Variants in CFTR observed in about 807,000 individuals in gnomAD.
The protein encoded by CFTR is cystic fibrosis transmembrane conductance regulator.
CFTR carries 181 observed loss-of-function variants against 171.6 expected under a neutral mutation model. The observed-to-expected ratio is 1.05, with a 90% confidence interval of 0.93 to 1.19. The LOEUF is 1.19. Among genes scored for constraint, CFTR ranks in the 50% most tolerant of loss-of-function variants. CFTR has a pLI of 0.00. For missense variants in CFTR, 1,968 were observed against 1,734.7 expected, an observed-to-expected ratio of 1.13 and a Z score of -2.39; for synonymous variants, 583 against 608.0, an observed-to-expected ratio of 0.96 and a Z score of 0.60.
intron 11 of CFTR, among the ~76,000 whole-genome samples, chr7:117,560,039 A>G (rs1799435493): frequency 6.6e-6 from 1 of 152,066 alleles, no homozygotes; most frequent in Admixed American, 6.6e-5. Context: ...ATATACTCCA[A>G]AAATTATTAA....
intron 3 of CFTR, among the ~76,000 whole-genome samples, chr7:117,519,793 T>A (rs778627319): frequency 2.5e-4 from 38 of 152,020 alleles, no homozygotes; most frequent in Admixed American, 3.9e-4. Context: ...GTACCATGAT[T>A]TATTTAATCA....
At chr7:117,512,120 T>C (rs1259944908) in intron 3 of CFTR, among the ~76,000 whole-genome samples, 1 of 152,178 alleles carries the variant, frequency 6.6e-6, no homozygotes, top group Non-Finnish European at 1.5e-5. Flanking sequence ...ATTTGCTTGG[T>C]TTCAGGACTG....
At chr7:117,507,895 G>T (rs117492186) in intron 2 of CFTR, among the ~76,000 whole-genome samples, 1 of 152,130 alleles carries the variant, frequency 6.6e-6, no homozygotes, top group African/African-American at 2.4e-5. Flanking sequence ...GGGTTCAAGC[G>T]AATCTCAGTC....
chr7:117,618,637 T>C lies in CFTR; in HGVS notation c.3468+3924T>C, dbSNP rs75700249. On this transcript the variant is annotated intron_variant, in intron 21 of 26. Transcript: ENST00000003084. ...ATGTTCATAAAACATAATTATAGAA[T>C]ATCTTTCAGTAGGCTTGACATTTTA... is the stretch of plus-strand genomic sequence containing the variant. Among the ~76,000 whole-genome samples the C allele has an allele frequency of 8.0e-3, 1,219 of 152,320 alleles. 14 individuals carry two copies. The highest frequency in any genetic ancestry group is 0.012 in the Non-Finnish European group (820 of 68,020).
intron 1 of CFTR, among the ~76,000 whole-genome samples, chr7:117,492,829 G>A (rs1207132838): frequency 2.0e-5 from 3 of 151,884 alleles, no homozygotes; most frequent in African/African-American, 4.8e-5. Context: ...ACTTCAGAGA[G>A]GCTCACACAT....
chr7:117,615,858 T>C (rs140443799), intron 21 of CFTR, among the ~76,000 whole-genome samples: 5 of 152,184 alleles, frequency 3.3e-5, no homozygotes, highest in African/African-American at 1.2e-4. Flanking sequence ...AAAGTATTTT[T>C]GTACTACTGT....
In CFTR at chr7:117,502,127, C is replaced by T. The variant is rs147159909; in HGVS notation, c.54-2126C>T. 5.7e-3 allele frequency among the ~76,000 whole-genome samples: 868 copies of T among 152,342 alleles called. 9 individuals are homozygous for T. Among genetic ancestry groups the T allele is most frequent in the African/African-American group, 0.019 (802 of 41,578 alleles). ...TGCCTGCATGCAACACCACTACATG[C>T]AGTCTGCTATCTTTTGTTCTTCCTG... On this transcript the variant is annotated intron_variant, in intron 1 of 26. Transcript: ENST00000003084.
intron 11 of CFTR, among the ~76,000 whole-genome samples, chr7:117,580,137 A>G (rs928817804): frequency 2.6e-5 from 4 of 152,090 alleles, no homozygotes; most frequent in Non-Finnish European, 4.4e-5. Context: ...TAGATGGTCT[A>G]TGGATAGTGC....
chr7:117,611,510 G>A (rs1792384520), intron 19 of CFTR, 71 bp from the exon 20 acceptor site: 1 of 953,470 alleles, frequency 1.0e-6, no homozygotes, highest in African/African-American at 1.6e-5. Flanking sequence ...TCTTTTTCAG[G>A]TACAAGATAT....
At chr7:117,549,250 G>A (rs1799227698) in intron 10 of CFTR, among the ~76,000 whole-genome samples, 1 of 152,060 alleles carries the variant, frequency 6.6e-6, no homozygotes, top group Admixed American at 6.6e-5. Flanking sequence ...ACAATTTTCA[G>A]AATAGATTTA....
At chr7:117,606,596 A>G (rs902025486) in intron 17 of CFTR, 78 bp from the exon 18 acceptor site, 1 of 825,312 alleles carries the variant, frequency 1.2e-6, no homozygotes, top group African/African-American at 1.7e-5. Context: ...ACTGTGATCC[A>G]AACTTAGTAT....
intron 23 of CFTR, among the ~76,000 whole-genome samples, chr7:117,651,401 C>T (rs182675253): frequency 2.0e-5 from 3 of 152,306 alleles, no homozygotes; most frequent in Admixed American, 1.3e-4. Context: ...CTCAAGTTCT[C>T]AGCACTGCTT....
At chr7:117,518,458 A>T (rs1372458116) in intron 3 of CFTR, among the ~76,000 whole-genome samples, 2 of 147,492 alleles carry the variant, frequency 1.4e-5, no homozygotes, top group East Asian at 3.9e-4. Flanking sequence ...ACATATACAT[A>T]TGTGTATATA....
chr7:117,642,432 T>A lies in CFTR; in HGVS notation c.3718-6T>A. 6.2e-7 allele frequency: 1 copy of A among 1,613,050 alleles called. No individual in the cohort carries two copies. Among genetic ancestry groups the A allele is most frequent in the South Asian group, 1.1e-5 (1 of 91,056 alleles). On this transcript the variant is annotated splice_region_variant and splice_polypyrimidine_tract_variant and intron_variant, in intron 22 of 26. Coordinates refer to ENST00000003084, the MANE Select transcript of CFTR (RefSeq NM_000492.4). ...CAGAAGTGATCCCATCACTTTTACC[T>A]TATAGGTGGGCCTCTTGGGAAGAAC...
At chr7:117,606,908 A>G (rs192279474) in intron 18 of CFTR, among the ~76,000 whole-genome samples, 155 bp downstream of exon 18, 14 of 152,314 alleles carry the variant, frequency 9.2e-5, no homozygotes, top group Admixed American at 7.8e-4. Flanking sequence ...CAAAATAGAC[A>G]TAAGTTTAGT....
At chr7:117,565,061 A>G (rs1287063637) in intron 11 of CFTR, among the ~76,000 whole-genome samples, 2 of 152,340 alleles carry the variant, frequency 1.3e-5, no homozygotes, top group East Asian at 1.9e-4. Flanking sequence ...ACGAGATTAT[A>G]GAAGAATGAA....
At chr7:117,511,752 A>G (rs1278069822) in intron 3 of CFTR, among the ~76,000 whole-genome samples, 1 of 152,194 alleles carries the variant, frequency 6.6e-6, no homozygotes, top group Non-Finnish European at 1.5e-5. Context: ...GCAAATTGTT[A>G]GATCTTAAAT....
At chr7:117,624,893 G>A (rs1171383085) in intron 21 of CFTR, among the ~76,000 whole-genome samples, 2 of 152,116 alleles carry the variant, frequency 1.3e-5, no homozygotes, top group Non-Finnish European at 2.9e-5. Flanking sequence ...AAACTTAAAT[G>A]ATCAGAATTG....
chr7:117,582,252 T>C (rs1414680056), intron 11 of CFTR, among the ~76,000 whole-genome samples: 3 of 152,152 alleles, frequency 2.0e-5, no homozygotes, highest in African/African-American at 7.2e-5. Flanking sequence ...TAACTGAGAT[T>C]TCACAATAAG....
Sources: allele counts gnomAD v4.1 joint callset (sites outside exome capture counted in the v4.1 genomes callset), GRCh38; gene constraint gnomAD v4.1.1; transcripts MANE v1.5; gene names NCBI Gene and HGNC (gene_info 2026-07-23, HGNC 2026-07-21).